The following CALN1 variants were observed in gnomAD, a reference collection of about 807,000 sequenced individuals.
The protein encoded by CALN1 is calneuron 1, also known as calcium-binding protein 8.
A neutral mutation model predicts 30.6 loss-of-function variants in CALN1; 17 were observed. The ratio of observed to expected loss-of-function variants is 0.56; its 90% CI spans 0.38 to 0.83. The LOEUF is 0.83. Among genes scored for constraint, CALN1 ranks in the 40% least tolerant of loss-of-function variants. The pLI, the probability that CALN1 is intolerant of heterozygous loss-of-function variation, is 0.00. For missense variants in CALN1, 291 were observed against 354.9 expected, an observed-to-expected ratio of 0.82 and a Z score of 1.45; for synonymous variants, 156 against 131.4, an observed-to-expected ratio of 1.19 and a Z score of -1.28.
At chr7:72,362,998 G>C (rs778126044) in intron 2 of CALN1, among the ~76,000 whole-genome samples, 20 of 152,166 alleles carry the variant, frequency 1.3e-4, no homozygotes, top group Non-Finnish European at 2.9e-4. Flanking sequence ...TTATAGACAA[G>C]GTAGAAGCAC....
At chr7:72,105,381 G>T (rs1387242126) in intron 4 of CALN1, among the ~76,000 whole-genome samples, 1 of 152,136 alleles carries the variant, frequency 6.6e-6, no homozygotes, top group African/African-American at 2.4e-5. Flanking sequence ...GAGACACTGA[G>T]GGTTAGCCCA....
intron 5 of CALN1, among the ~76,000 whole-genome samples, chr7:72,016,405 T>C (rs1800381504): frequency 1.3e-5 from 2 of 151,976 alleles, no homozygotes; most frequent in South Asian, 4.2e-4. Flanking sequence ...CTCTCAACTG[T>C]CCATGGGTCA....
chr7:72,186,178 G>C (rs1258344756), intron 3 of CALN1, among the ~76,000 whole-genome samples: 2 of 152,050 alleles, frequency 1.3e-5, no homozygotes, highest in Non-Finnish European at 2.9e-5. Context: ...CTTCCAGAAG[G>C]AATGCAGCCC....
intron 2 of CALN1, among the ~76,000 whole-genome samples, chr7:72,366,084 G>C (rs920496797): frequency 2.6e-5 from 4 of 152,080 alleles, no homozygotes; most frequent in Admixed American, 2.0e-4. Flanking sequence ...AGAAGTACAA[G>C]AAATGTCTAT....
chr7:71,836,712 GGTTCAAGCAATTCTT>G (rs1789630092), intron 5 of CALN1, among the ~76,000 whole-genome samples: 1 of 150,438 alleles, frequency 6.6e-6, no homozygotes, highest in South Asian at 2.1e-4. Flanking sequence ...CCGCCTTCCA[GGTTCAAGCAATTCTT>G]GTGCCTCAGC....
chr7:72,027,936 G>C (rs1801184370), intron 4 of CALN1, among the ~76,000 whole-genome samples: 1 of 151,660 alleles, frequency 6.6e-6, no homozygotes. Flanking sequence ...GCGGGCGCCT[G>C]TAGTCCCAGC....
At chr7:72,030,438 T>A (rs1801362140) in intron 4 of CALN1, among the ~76,000 whole-genome samples, 1 of 152,152 alleles carries the variant, frequency 6.6e-6, no homozygotes. Flanking sequence ...AACATAAACA[T>A]TCAGATTTAG....
chr7:71,818,002 G>A (rs960729497), intron 5 of CALN1, among the ~76,000 whole-genome samples: 1 of 151,900 alleles, frequency 6.6e-6, no homozygotes, highest in Non-Finnish European at 1.5e-5. Context: ...ATTCTGTAGT[G>A]CAAAAAGATT....
At chr7:72,198,456 T>C (rs1791190283) in intron 3 of CALN1, among the ~76,000 whole-genome samples, 1 of 152,192 alleles carries the variant, frequency 6.6e-6, no homozygotes, top group Admixed American at 6.5e-5. Flanking sequence ...CCTAAAATCA[T>C]GTGCAATTTT....
intron 5 of CALN1, among the ~76,000 whole-genome samples, chr7:71,973,579 G>A (rs187924883): frequency 1.6e-4 from 25 of 152,276 alleles, no homozygotes; most frequent in Middle Eastern, 3.4e-3. Context: ...TTATCTCACC[G>A]CGTGGCAAGA....
intron 5 of CALN1, among the ~76,000 whole-genome samples, chr7:71,971,569 A>T (rs1301509236): frequency 6.6e-6 from 1 of 152,140 alleles, no homozygotes; most frequent in South Asian, 2.1e-4. Flanking sequence ...CATCTGCAAG[A>T]AGCAAGGTCA....
intron 2 of CALN1, among the ~76,000 whole-genome samples, chr7:72,311,651 ATTTTTT>A (rs56197069): frequency 8.3e-5 from 4 of 48,470 alleles, no homozygotes; most frequent in Non-Finnish European, 1.5e-4. Flanking sequence ...CCTGGCTGAG[ATTTTTT>A]TTTTTTTTTT....
At chr7:72,139,342 G>T (rs114526223) in intron 3 of CALN1, among the ~76,000 whole-genome samples, 46 of 127,770 alleles carry the variant, frequency 3.6e-4, no homozygotes, top group African/African-American at 1.3e-3. Context: ...AACCTCTTCT[G>T]CCCACCTCCA....
intron 4 of CALN1, among the ~76,000 whole-genome samples, chr7:72,085,818 G>A (rs950921041): frequency 2.0e-5 from 3 of 152,250 alleles, no homozygotes; most frequent in African/African-American, 7.2e-5. Context: ...AGGCTGAGAT[G>A]AAAAAGAGGC....
At chr7:72,142,732 G>C (rs901711681) in intron 3 of CALN1, among the ~76,000 whole-genome samples, 7 of 152,164 alleles carry the variant, frequency 4.6e-5, no homozygotes, top group Non-Finnish European at 1.0e-4. Flanking sequence ...CCCCAGTAGG[G>C]GCAGACTGAC....
At chr7:72,292,143 CA>C (rs1562847738) in intron 2 of CALN1, among the ~76,000 whole-genome samples, 1 of 151,952 alleles carries the variant, frequency 6.6e-6, no homozygotes, top group East Asian at 1.9e-4. Flanking sequence ...CTTTCAATGG[CA>C]AAAATCGCAA....
In CALN1 at chr7:72,278,533, T is replaced by C. The variant is rs148587023; in HGVS notation, c.244+153A>G. On this transcript the variant is annotated intron_variant, in intron 3 of 6. Coordinates refer to ENST00000395275, the MANE Select transcript of CALN1 (RefSeq NM_031468.4). ...CACACACGTCACTTGGGCAAAACTTTGTCTCTGAACTCTTTCCCATTATGC... is the reference window on the plus strand; with the variant it reads ...CACACACGTCACTTGGGCAAAACTTCGTCTCTGAACTCTTTCCCATTATGC... Among the ~76,000 whole-genome samples the C allele has an allele frequency of 7.2e-3, 1,076 of 150,358 alleles. 17 individuals are homozygous for C. Among genetic ancestry groups the C allele is most frequent in the African/African-American group, 0.025 (1,023 of 41,042 alleles).
chr7:72,163,750 A>G (rs1469899851), intron 3 of CALN1, among the ~76,000 whole-genome samples: 3 of 152,198 alleles, frequency 2.0e-5, no homozygotes, highest in African/African-American at 7.2e-5. Flanking sequence ...CAGAAAGAAA[A>G]AGATACAGAA....
intron 4 of CALN1, among the ~76,000 whole-genome samples, chr7:72,055,532 T>C (rs1036955179): frequency 2.6e-5 from 4 of 152,054 alleles, no homozygotes; most frequent in Non-Finnish European, 5.9e-5. Context: ...GAGAAAACTA[T>C]AAAACATATG....
Sources: allele counts gnomAD v4.1 joint callset (sites outside exome capture counted in the v4.1 genomes callset), GRCh38; gene constraint gnomAD v4.1.1; transcripts MANE v1.5; gene names NCBI Gene and HGNC (gene_info 2026-07-23, HGNC 2026-07-21).